The following WNK4 variants were observed in gnomAD, a reference collection of about 807,000 sequenced individuals.
WNK4 encodes the protein serine/threonine-protein kinase WNK4.
In WNK4, 94 loss-of-function variants were observed where a neutral mutation model predicts 116.2. That is an observed-to-expected ratio of 0.81 (90% CI 0.68 to 0.96). The LOEUF is 0.96. Among genes scored for constraint, WNK4 ranks in the 40% least tolerant of loss-of-function variants. WNK4 has a pLI of 0.00. For synonymous variants in WNK4, 655 were observed against 672.7 expected (o/e 0.97, Z 0.41); for missense variants, 1,542 against 1,650.6 (o/e 0.93, Z 1.14).
At position 42,788,677 on chromosome 17, in the gene WNK4, G is replaced by T. The variant is rs1237475745; in HGVS notation, c.2041-4G>T. 1 of 1,612,152 alleles carries T rather than the reference G, an allele frequency of 6.2e-7. No individual in the cohort carries two copies. The highest frequency in any genetic ancestry group is 1.1e-5 in the South Asian group (1 of 91,034). On this transcript the variant is annotated splice_polypyrimidine_tract_variant and splice_region_variant and intron_variant, in intron 10 of 18. Transcript: ENST00000246914. ...TCTCCCCTCTGCTGACTTTGAATCT[G>T]AAGGTCTCAGACCAGAATGACAGAG...
chr17:42,787,175 T>C (rs1421081176), intron 6 of WNK4, 103 bp from the exon 7 acceptor site: 4 of 1,530,050 alleles, frequency 2.6e-6, no homozygotes, highest in Non-Finnish European at 2.7e-6. Context: ...CAGTAAGTGT[T>C]GGTTTTCTTC....
rs185425918 is a variant in WNK4 at position 42,793,891 on chromosome 17, C to T, written c.2295+162C>T. 1,189 of 877,806 alleles carry T rather than the reference C, an allele frequency of 1.4e-3. 16 individuals are homozygous for T. In the African/African-American group the frequency reaches 0.018, roughly 13 times the overall value. The allele number at this position is 877,806 out of a possible 1,614,324, so 54.4% of individuals were successfully genotyped here. A position where few individuals can be genotyped will look rare whatever the true frequency, so the allele number is the denominator to read the frequency against. The stretch of plus-strand genomic sequence containing the variant: ...TTTTTGAGATGGAGTCTCACTCTGT[C>T]GCCCAGGCTGGAGTGCAGTGGCACG... On this transcript the variant is annotated intron_variant, in intron 12 of 18. Transcript: ENST00000246914.
At position 42,787,343 on chromosome 17, in the gene WNK4, T is replaced by G. The variant is rs2054560422; in HGVS notation, c.1542T>G (p.Val514=). The change falls in exon 7 of 19, where the codon GTT becomes GTG. Residue 514 remains valine (V), a synonymous_variant. Transcript: ENST00000246914. ...TGGCCCGTGCAGTACGTGAACGGGT[T>G]GCTGCCATCCAGCGAAAGCGTGAGA... is the stretch of plus-strand genomic sequence containing the variant. ...QPVARAVRER[V]AAIQRKREKL... The G allele has an allele frequency of 6.2e-7, 1 of 1,614,160 alleles. No homozygotes were observed. The highest frequency in any genetic ancestry group is 8.5e-7 in the Non-Finnish European group (1 of 1,180,036).
chr17:42,794,857 T>C lies in WNK4; in HGVS notation c.2436T>C (p.Ser812=), dbSNP rs958072230. The C allele has an allele frequency of 3.7e-6, 6 of 1,613,702 alleles. No homozygotes were observed. The highest frequency in any genetic ancestry group is 1.3e-5 in the African/African-American group (1 of 74,758). ...TSSSSPGTPL[S]PGNPFSPGTP... ...CATCTTCTCCTGGAACTCCTTTGTC[T>C]CCTGGAAACCCATTTTCCCCTGGAA... is the stretch of plus-strand genomic sequence containing the variant. The change falls in exon 14 of 19, where the codon TCT becomes TCC. Residue 812 remains serine (S), a synonymous_variant. Transcript: ENST00000246914.
rs1320653192 is a variant in WNK4 at position 42,785,307 on chromosome 17, A to G, written c.1301A>G (p.Glu434Gly). 1.2e-6 allele frequency: 2 copies of G among 1,612,152 alleles called. No individual in the cohort carries two copies. The highest frequency in any genetic ancestry group is 2.2e-5 in the South Asian group (2 of 90,710). ...QDLLAHAFFR[E>G]ERGVHVELAE... ...CTCCTGGCCCACGCCTTCTTCCGCG[A>G]GGAGCGCGGTGTGCACGTGGAACTA... The change falls in exon 6 of 19, where the codon GAG (glutamate) becomes GGG (glycine). Residue 434 changes from glutamate (E) to glycine (G), a missense_variant. This residue lies in a region of WNK4 where 808 missense variants were observed against 873.6 expected (regional missense o/e 0.92). Coordinates refer to ENST00000246914, the MANE Select transcript of WNK4 (RefSeq NM_032387.5).
rs753708709 is a variant in WNK4, at chr17:42,785,371, C to G, written c.1365C>G (p.Leu455=). Residue 455 remains leucine (L), a synonymous_variant, in exon 6 of 19, where the codon CTC becomes CTG. Transcript: ENST00000246914. ...ACGGCGAGAAGCCGGGCCTCAAGCTCTGGCTGCGCATGGAGGACGCGCGGC... is the reference window on the plus strand; with the variant it reads ...ACGGCGAGAAGCCGGGCCTCAAGCTGTGGCTGCGCATGGAGGACGCGCGGC... ...EDDGEKPGLK[L]WLRMEDARRG... is the part of the protein sequence containing the mutation. The G allele has an allele frequency of 1.3e-5, 21 of 1,605,288 alleles. No individual in the cohort carries two copies. Among genetic ancestry groups the G allele is most frequent in the African/African-American group, 4.0e-5 (3 of 74,814 alleles).
chr17:42,784,601 G>A lies in WNK4; in HGVS notation c.1170+22G>A, dbSNP rs776566180. 6.2e-7 allele frequency: 1 copy of A among 1,613,914 alleles called. No individual in the cohort carries two copies. Among genetic ancestry groups the A allele is most frequent in the Admixed American group, 1.7e-5 (1 of 60,016 alleles). On this transcript the variant is annotated intron_variant, in intron 4 of 18. Coordinates refer to ENST00000246914, the MANE Select transcript of WNK4 (RefSeq NM_032387.5). This position sits in a 1 kb window ranked among gnomAD's most constrained non-coding sequence, Gnocchi z 4.4. ...TTCGGTGAGAGGGATGGGGCTGGCG[G>A]GAAAGGCAATTCCAGGGCCACTTCC...
Position 42,788,765 on chromosome 17 carries a change from G to A in WNK4, c.2125G>A (p.Gly709Arg). ...GGTGACCTTCCGATTTGATCTGGATGGGGACAGCCCGGAAGAGATTGCAGC... is the reference window on the plus strand; with the variant it reads ...GGTGACCTTCCGATTTGATCTGGATAGGGACAGCCCGGAAGAGATTGCAGC... ...KMVTFRFDLDGDSPEEIAAAM... is the reference protein window; with the variant it reads ...KMVTFRFDLDRDSPEEIAAAM... The change falls in exon 11 of 19, where the codon GGG (glycine) becomes AGG (arginine). Residue 709 changes from glycine (G) to arginine (R), a missense_variant. Gly to Arg is a moderately radical substitution (Grantham distance 125, BLOSUM62 -2). Around this residue, in one of 7 missense-constraint regions of WNK4, gnomAD observed 808 missense variants for 873.6 expected, o/e 0.92. Transcript: ENST00000246914. 1 of 1,614,180 alleles carries A rather than the reference G, an allele frequency of 6.2e-7. No individual in the cohort carries two copies. Among genetic ancestry groups the A allele is most frequent in the Non-Finnish European group, 8.5e-7 (1 of 1,180,030 alleles).
intron 6 of WNK4, 148 bp from the exon 7 acceptor site, chr17:42,787,130 T>G: frequency 1.7e-6 from 2 of 1,168,698 alleles, no homozygotes; most frequent in Admixed American, 4.0e-5. Flanking sequence ...GATGATAATG[T>G]AAGGAGCTGC....
In WNK4 at chr17:42,795,750, A is replaced by AGATAG; in HGVS notation, c.3148_3149insGATAG (p.Thr1050ArgfsTer2). The AGATAG allele has an allele frequency of 6.2e-7, 1 of 1,613,618 alleles. No homozygotes were observed. Among genetic ancestry groups the AGATAG allele is most frequent in the East Asian group, 2.2e-5 (1 of 44,878 alleles). On this transcript the variant is annotated stop_gained and frameshift_variant, in exon 16 of 19. Coordinates refer to ENST00000246914, the MANE Select transcript of WNK4 (RefSeq NM_032387.5). LOFTEE classifies it high-confidence loss of function. ...TCCAAAACCTTCAACCCCTCAGCTC[A>AGATAG]CTTCAGAGAGCTCAGATACAGAGGA...
rs771882874 is a variant in WNK4, at chr17:42,784,510, G to T, written c.1101G>T (p.Glu367Asp). The change falls in exon 4 of 19, where the codon GAG becomes GAT. Residue 367 changes from glutamate (E) to aspartate (D), a missense_variant. Coordinates refer to ENST00000246914, the MANE Select transcript of WNK4 (RefSeq NM_032387.5). The surrounding 1 kb of genome is among the most constrained non-coding windows in gnomAD (Gnocchi z 4.4). ...DVYAFGMCML[E>D]MATSEYPYSE... Reference sequence around the variant, plus strand: ...ACGCGTTCGGCATGTGCATGCTGGAGATGGCCACCTCTGAGTACCCGTACT... The same window carrying T: ...ACGCGTTCGGCATGTGCATGCTGGATATGGCCACCTCTGAGTACCCGTACT... 6.2e-7 allele frequency: 1 copy of T among 1,614,036 alleles called. No individual in the cohort carries two copies. The highest frequency in any genetic ancestry group is 1.1e-5 in the South Asian group (1 of 91,048).
chr17:42,788,618 G>A, intron 10 of WNK4, 63 bp from the exon 11 acceptor site: 2 of 1,396,748 alleles, frequency 1.4e-6, no homozygotes, highest in South Asian at 2.3e-5. Context: ...CTGGGGTAGG[G>A]TGGAGACACA....
At chr17:42,785,839 C>T (rs2054543765) in intron 6 of WNK4, among the ~76,000 whole-genome samples, 1 of 152,088 alleles carries the variant, frequency 6.6e-6, no homozygotes, top group Non-Finnish European at 1.5e-5. Context: ...TTCGGGAAGC[C>T]GTCCCCTTTG....
rs2054514273 is a variant in WNK4, at chr17:42,784,026, G to A, written c.881G>A (p.Arg294Gln). Residue 294 changes from arginine (R) to glutamine (Q), a missense_variant, in exon 3 of 19, where the codon CGG becomes CAG. Arg to Gln is a conservative substitution (Grantham distance 43). Around this residue, in one of 7 missense-constraint regions of WNK4, gnomAD observed 808 missense variants for 873.6 expected, o/e 0.92. Coordinates refer to ENST00000246914, the MANE Select transcript of WNK4 (RefSeq NM_032387.5). This position sits in a 1 kb window ranked among gnomAD's most constrained non-coding sequence, Gnocchi z 4.4. ...ILRGLHFLHS[R>Q]VPPILHRDLK... ...CGGGGACTTCATTTCCTACACTCCC[G>A]GGTTCCTCCCATCCTGCACCGGGAT... is the stretch of plus-strand genomic sequence containing the variant. The A allele has an allele frequency of 3.1e-6, 5 of 1,613,986 alleles. No individual in the cohort carries two copies. Among genetic ancestry groups the A allele is most frequent in the Middle Eastern group, 1.6e-4 (1 of 6,062 alleles).
At position 42,784,930 on chromosome 17, in the gene WNK4, G is replaced by GGGT. The variant is rs1555657064; in HGVS notation, c.1171-165_1171-164insTGG. On this transcript the variant is annotated intron_variant, in intron 4 of 18. Coordinates refer to ENST00000246914, the MANE Select transcript of WNK4 (RefSeq NM_032387.5). This position sits in a 1 kb window ranked among gnomAD's most constrained non-coding sequence, Gnocchi z 4.4. Reference sequence around the variant, plus strand: ...CAAGATCACACTGTAAATACTTGGGGGGGGGGCGGGGATTAGGATTTGAAA... The same window carrying GGGT: ...CAAGATCACACTGTAAATACTTGGGGGGTGGGGGGCGGGGATTAGGATTTGAAA... Among the ~76,000 whole-genome samples the GGGT allele has an allele frequency of 1.6e-4, 24 of 150,856 alleles. No individual in the cohort carries two copies. The highest frequency in any genetic ancestry group is 5.9e-4 in the African/African-American group (24 of 40,660).
At position 42,784,387 on chromosome 17, in the gene WNK4, GC is replaced by G. The variant is rs1265877378; in HGVS notation, c.1013-32del. The G allele has an allele frequency of 1.2e-6, 2 of 1,608,268 alleles. No homozygotes were observed. Among genetic ancestry groups the G allele is most frequent in the South Asian group, 2.2e-5 (2 of 90,048 alleles). On this transcript the variant is annotated intron_variant, in intron 3 of 18. Coordinates refer to ENST00000246914, the MANE Select transcript of WNK4 (RefSeq NM_032387.5). This position sits in a 1 kb window ranked among gnomAD's most constrained non-coding sequence, Gnocchi z 4.4. ...CCAGTGGGAAGGACGAGGCCAGAGT[GC>G]CCAGCAATCTGATCCCTGCTGTGGA...
At chr17:42,783,029 G>A in intron 2 of WNK4, 99 bp downstream of exon 2, 1 of 1,474,998 alleles carries the variant, frequency 6.8e-7, no homozygotes, top group Non-Finnish European at 9.2e-7. Context: ...ATATCCAGGT[G>A]TAAAACCAGG....
In WNK4 at chr17:42,785,030, G is replaced by T. The variant is rs111577641; in HGVS notation, c.1171-67G>T. On this transcript the variant is annotated intron_variant, in intron 4 of 18. Transcript: ENST00000246914. Reference sequence around the variant, plus strand: ...CTAAGGAGGGAGTGGAGTAAGGGGTGGGGGGTGGTGTCAAGCCGAGAGCTG... The same window carrying T: ...CTAAGGAGGGAGTGGAGTAAGGGGTTGGGGGTGGTGTCAAGCCGAGAGCTG... 8.7e-6 allele frequency: 13 copies of T among 1,487,888 alleles called. No individual in the cohort carries two copies. The African/African-American group carries it at 1.1e-4, about 13-fold the overall frequency. The allele number at this position is 1,487,888 out of a possible 1,614,324, so 92.2% of individuals were successfully genotyped here. A position where few individuals can be genotyped will look rare whatever the true frequency, so the allele number is the denominator to read the frequency against.
Position 42,788,422 on chromosome 17 carries a change from C to T in WNK4, c.2040+15C>T, listed in dbSNP as rs1319745668. On this transcript the variant is annotated intron_variant, in intron 10 of 18. Coordinates refer to ENST00000246914, the MANE Select transcript of WNK4 (RefSeq NM_032387.5). Reference sequence around the variant, plus strand: ...GGGTCACTAGTGTAAGGATGGAGTACAGGAGATAGAGAGTAACCTACAGGG... The same window carrying T: ...GGGTCACTAGTGTAAGGATGGAGTATAGGAGATAGAGAGTAACCTACAGGG... 1.9e-6 allele frequency: 3 copies of T among 1,609,840 alleles called. No homozygotes were observed. The highest frequency in any genetic ancestry group is 1.1e-5 in the South Asian group (1 of 90,916).
Sources: gnomAD v4.1 joint callset for allele counts (sites outside exome capture counted in the v4.1 genomes callset) on GRCh38, gnomAD v4.1.1 for gene constraint, gnomAD v4.1.1 regional missense constraint, Gnocchi (gnomAD v3.1) non-coding constraint, MANE v1.5 for transcripts, NCBI Gene and HGNC (gene_info 2026-07-23, HGNC 2026-07-21) for gene names.